The following NEGR1 variants were observed in gnomAD, a reference collection of about 807,000 sequenced individuals.
The protein encoded by NEGR1 is IgLON family member 4.
A neutral mutation model predicts 40.9 loss-of-function variants in NEGR1; 10 were observed. That is an observed-to-expected ratio of 0.24 (90% CI 0.15 to 0.42). The LOEUF (loss-of-function observed/expected upper bound fraction) is 0.42. NEGR1 is among the 10% of genes least tolerant of loss of function. NEGR1 has a pLI of 1.00. For synonymous variants in NEGR1, 185 were observed against 166.8 expected (o/e 1.11, Z -0.84); for missense variants, 352 against 438.9 (o/e 0.80, Z 1.77).
At chr1:71,928,272 G>C (rs11801313) in intron 2 of NEGR1, among the ~76,000 whole-genome samples, 3 of 89,092 alleles carry the variant, frequency 3.4e-5, no homozygotes, top group Non-Finnish European at 6.9e-5. Flanking sequence ...ACGTATATAT[G>C]TATATATACA....
chr1:72,070,375 G>A (rs1034981689), intron 1 of NEGR1, among the ~76,000 whole-genome samples: 7 of 151,820 alleles, frequency 4.6e-5, no homozygotes, highest in East Asian at 1.9e-4. Flanking sequence ...CTAAAGAGTC[G>A]TAGGAGTAGT....
chr1:72,006,302 G>A (rs1646605919), intron 1 of NEGR1, among the ~76,000 whole-genome samples: 1 of 152,132 alleles, frequency 6.6e-6, no homozygotes, highest in Admixed American at 6.6e-5. Context: ...TAAATTTGGA[G>A]TTCTGAGAGT....
At chr1:71,511,267 AT>A (rs1647070948) in intron 6 of NEGR1, among the ~76,000 whole-genome samples, 1 of 152,248 alleles carries the variant, frequency 6.6e-6, no homozygotes, top group Admixed American at 6.5e-5. Context: ...TGAATTAAAC[AT>A]GTTATGATGC....
At chr1:71,502,154 T>G (rs564581001) in intron 6 of NEGR1, among the ~76,000 whole-genome samples, 3 of 152,252 alleles carry the variant, frequency 2.0e-5, no homozygotes, top group African/African-American at 7.2e-5. Context: ...CAAACTGCAT[T>G]GCTCATGCAC....
At chr1:71,894,326 C>G (rs192192579) in intron 2 of NEGR1, among the ~76,000 whole-genome samples, 1 of 151,918 alleles carries the variant, frequency 6.6e-6, no homozygotes, top group Admixed American at 6.6e-5. Context: ...AAGAAAACAT[C>G]TGTAGTAGTT....
intron 3 of NEGR1, among the ~76,000 whole-genome samples, chr1:71,700,869 G>A (rs1276499976): frequency 1.3e-5 from 2 of 151,856 alleles, no homozygotes; most frequent in Admixed American, 6.6e-5. Flanking sequence ...GCATGAATTC[G>A]TAAAAGTAGA....
At chr1:71,490,585 C>G (rs1468713381) in intron 6 of NEGR1, among the ~76,000 whole-genome samples, 13 of 151,964 alleles carry the variant, frequency 8.6e-5, no homozygotes, top group Admixed American at 7.2e-4. Context: ...ATACCTCCTC[C>G]CTGTGATTGC....
At chr1:72,147,074 G>A (rs1038913301) in intron 1 of NEGR1, among the ~76,000 whole-genome samples, 9 of 152,164 alleles carry the variant, frequency 5.9e-5, no homozygotes, top group Admixed American at 1.3e-4. Flanking sequence ...TGTATTTGTT[G>A]TGTATGCACA....
chr1:71,500,618 TATC>T (rs1557547362), intron 6 of NEGR1, among the ~76,000 whole-genome samples: 2 of 152,072 alleles, frequency 1.3e-5, no homozygotes, highest in Non-Finnish European at 2.9e-5. Context: ...ATTAAAAAGT[TATC>T]ATTACATTAA....
At chr1:72,234,999 A>T (rs1654501082) in intron 1 of NEGR1, among the ~76,000 whole-genome samples, 1 of 152,160 alleles carries the variant, frequency 6.6e-6, no homozygotes, top group Non-Finnish European at 1.5e-5. Context: ...TAAATTAGCA[A>T]AGACATGGAA....
chr1:71,994,823 A>T (rs1271118730), intron 1 of NEGR1, among the ~76,000 whole-genome samples: 1 of 152,034 alleles, frequency 6.6e-6, no homozygotes, highest in African/African-American at 2.4e-5. Flanking sequence ...GCAGTCTAGG[A>T]GTTCCCCAGA....
chr1:71,691,542 C>A (rs1477630662), intron 4 of NEGR1, among the ~76,000 whole-genome samples: 1 of 151,740 alleles, frequency 6.6e-6, no homozygotes, highest in Non-Finnish European at 1.5e-5. Context: ...ATGAAAAAAA[C>A]AGAAATCTTC....
chr1:72,236,719 C>A (rs1284414257), intron 1 of NEGR1, among the ~76,000 whole-genome samples: 1 of 151,888 alleles, frequency 6.6e-6, no homozygotes, highest in Non-Finnish European at 1.5e-5. Context: ...TATTGAAATA[C>A]TTGAATGTCT....
rs968930471 is a variant in NEGR1 at position 71,527,494 on chromosome 1, G to A, written c.940+65323C>T. ...ATCTGGTCTAGTCATTAAGATTTTC[G>A]AATTTTGTTTAGTAAATAAATAGAT... On this transcript the variant is annotated intron_variant, in intron 6 of 6. Transcript: ENST00000357731. 2.4e-4 allele frequency among the ~76,000 whole-genome samples: 36 copies of A among 151,174 alleles called. No homozygotes were observed. In the Middle Eastern group the frequency reaches 0.024, roughly 100 times the overall value.
At chr1:71,915,433 A>G (rs1406132741) in intron 2 of NEGR1, among the ~76,000 whole-genome samples, 1 of 152,182 alleles carries the variant, frequency 6.6e-6, no homozygotes, top group Non-Finnish European at 1.5e-5. Flanking sequence ...AAAAACAAAT[A>G]ACTGACCTTT....
chr1:71,568,805 T>A (rs1463869445), intron 6 of NEGR1, among the ~76,000 whole-genome samples: 1 of 22,988 alleles, frequency 4.4e-5, no homozygotes. Context: ...TATATGTATG[T>A]GTGTGTATGT....
intron 1 of NEGR1, among the ~76,000 whole-genome samples, chr1:72,247,045 G>C (rs1045705185): frequency 1.3e-5 from 2 of 152,216 alleles, no homozygotes; most frequent in African/African-American, 4.8e-5. Flanking sequence ...GATGTAGGGA[G>C]CAGTGTCTCA....
chr1:71,491,762 C>T (rs1212253513), intron 6 of NEGR1, among the ~76,000 whole-genome samples: 1 of 152,002 alleles, frequency 6.6e-6, no homozygotes, highest in Admixed American at 6.6e-5. Flanking sequence ...AATGGAGAAA[C>T]AGGACACACA....
At chr1:72,178,097 G>A (rs966234132) in intron 1 of NEGR1, among the ~76,000 whole-genome samples, 3 of 151,942 alleles carry the variant, frequency 2.0e-5, no homozygotes, top group African/African-American at 7.2e-5. Context: ...AAAACTGGCA[G>A]TCAAAGATAT....
Sources: allele counts gnomAD v4.1 joint callset (sites outside exome capture counted in the v4.1 genomes callset), GRCh38; gene constraint gnomAD v4.1.1; transcripts MANE v1.5; gene names NCBI Gene and HGNC (gene_info 2026-07-23, HGNC 2026-07-21).